KPNA4: variants seen among roughly 807,000 people sequenced by gnomAD.
KPNA4 encodes importin subunit alpha-3.
In KPNA4, 13 loss-of-function variants were observed where a neutral mutation model predicts 71.3. The observed-to-expected ratio is 0.18, with a 90% confidence interval of 0.12 to 0.29. The LOEUF is 0.29. Ranked by LOEUF, KPNA4 falls within the 10% of genes least tolerant of loss-of-function variation. KPNA4 has a pLI of 1.00. For synonymous variants in KPNA4, 189 were observed against 195.2 expected, an observed-to-expected ratio of 0.97 and a Z score of 0.26; for missense variants, 334 against 603.2, an observed-to-expected ratio of 0.55 and a Z score of 4.67.
chr3:160,552,535 AGG>A (rs1424965913), intron 1 of KPNA4, among the ~76,000 whole-genome samples: 1 of 152,210 alleles, frequency 6.6e-6, no homozygotes, highest in African/African-American at 2.4e-5. Flanking sequence ...GGTAAGTTTC[AGG>A]GAGCTTATAG....
intron 10 of KPNA4, among the ~76,000 whole-genome samples, chr3:160,523,694 C>G (rs1721403417): frequency 6.6e-6 from 1 of 151,724 alleles, no homozygotes; most frequent in Admixed American, 6.6e-5. Context: ...CTAAAAAATG[C>G]AAAAAAATTA....
intron 1 of KPNA4, among the ~76,000 whole-genome samples, chr3:160,561,559 A>T (rs1197297562): frequency 6.6e-6 from 1 of 152,052 alleles, no homozygotes; most frequent in Non-Finnish European, 1.5e-5. Context: ...ACTTAACATG[A>T]CCACATTTTA....
At chr3:160,565,149 G>T in intron 1 of KPNA4, 65 bp downstream of exon 1, 1 of 1,366,194 alleles carries the variant, frequency 7.3e-7, no homozygotes. Flanking sequence ...CCACACTCGG[G>T]GTCCCGGCGG....
Position 160,535,397 on chromosome 3 carries a change from CTAT to C in KPNA4, c.287+113_287+115del, listed in dbSNP as rs371955819. On this transcript the variant is annotated intron_variant, in intron 5 of 16. Transcript: ENST00000334256. The stretch of plus-strand genomic sequence containing the variant: ...AATTTAGTTGATCTATTACTATTTA[CTAT>C]TGTTTGTCATCAAGTTAAATTTGAT... 1,140 of 631,370 alleles carry C rather than the reference CTAT, an allele frequency of 1.8e-3. 1 individual carries two copies. The highest frequency in any genetic ancestry group is 2.7e-3 in the Non-Finnish European group (978 of 363,626). The allele number at this position is 631,370 out of a possible 1,614,324, so 39.1% of individuals were successfully genotyped here. A position where few individuals can be genotyped will look rare whatever the true frequency, so the allele number is the denominator to read the frequency against.
intron 1 of KPNA4, among the ~76,000 whole-genome samples, chr3:160,554,831 C>A (rs1223174411): frequency 6.6e-6 from 1 of 152,208 alleles, no homozygotes; most frequent in East Asian, 1.9e-4. Context: ...GTGCCCCTTC[C>A]CGCATACCAC....
chr3:160,528,205 TTGACCAG>T (rs1433357333), intron 7 of KPNA4, among the ~76,000 whole-genome samples, 166 bp from the exon 8 acceptor site: 1 of 152,214 alleles, frequency 6.6e-6, no homozygotes, highest in East Asian at 1.9e-4. Flanking sequence ...TGGAAGAATT[TTGACCAG>T]TGACTATTTA....
In KPNA4 at chr3:160,514,198, T is replaced by A. The variant is rs749225663; in HGVS notation, c.1033-17A>T. 1 of 1,548,234 alleles carries A rather than the reference T, an allele frequency of 6.5e-7. No individual in the cohort carries two copies. Among genetic ancestry groups the A allele is most frequent in the African/African-American group, 1.4e-5 (1 of 71,620 alleles). On this transcript the variant is annotated splice_polypyrimidine_tract_variant and intron_variant, in intron 12 of 16. Coordinates refer to ENST00000334256, the MANE Select transcript of KPNA4 (RefSeq NM_002268.5). ...CACTGCTTCCTGTAGAACAAGAGCA[T>A]TTGAATATTTCTCATTAAAAAATAA...
intron 14 of KPNA4, among the ~76,000 whole-genome samples, chr3:160,509,129 T>G (rs1372858857): frequency 6.6e-6 from 1 of 152,172 alleles, no homozygotes; most frequent in Non-Finnish European, 1.5e-5. Flanking sequence ...AAACTGTTTT[T>G]CCTTTGCCAG....
intron 5 of KPNA4, among the ~76,000 whole-genome samples, chr3:160,531,969 T>C (rs540150997): frequency 1.4e-4 from 22 of 152,200 alleles, no homozygotes; most frequent in Non-Finnish European, 2.8e-4. Flanking sequence ...TTTTTGTATT[T>C]TTAGTAGAGA....
At chr3:160,546,154 A>G (rs546399171) in intron 1 of KPNA4, among the ~76,000 whole-genome samples, 1 of 152,346 alleles carries the variant, frequency 6.6e-6, no homozygotes, top group South Asian at 2.1e-4. Flanking sequence ...CAAAATGAGC[A>G]TAACCTGAGG....
At position 160,536,840 on chromosome 3, in the gene KPNA4, T is replaced by C. The variant is rs1428852240; in HGVS notation, c.70A>G (p.Thr24Ala). ...NFKNKGRDLETMRRQRNEVVV... is the reference protein window; with the variant it reads ...NFKNKGRDLEAMRRQRNEVVV... ...ACTTCATTTCGTTGTCTTCTCATAG[T>C]CTACAAAAAAATTAAAGGAAAATAT... The change falls in exon 2 of 17, where the codon ACT (threonine) becomes GCT (alanine). Residue 24 changes from threonine to alanine, a missense_variant and splice_region_variant. Coordinates refer to ENST00000334256, the MANE Select transcript of KPNA4 (RefSeq NM_002268.5). 8 of 1,562,948 alleles carry C rather than the reference T, an allele frequency of 5.1e-6. No homozygotes were observed. The highest frequency in any genetic ancestry group is 6.1e-6 in the Non-Finnish European group (7 of 1,138,772).
At chr3:160,521,660 C>T (rs1168243157) in intron 11 of KPNA4, 119 bp downstream of exon 11, 3 of 911,216 alleles carry the variant, frequency 3.3e-6, no homozygotes, top group African/African-American at 1.7e-5. Flanking sequence ...CTTTCCATCA[C>T]AGATTTGTTG....
intron 1 of KPNA4, among the ~76,000 whole-genome samples, chr3:160,561,208 C>G (rs1185152382): frequency 6.6e-6 from 1 of 151,944 alleles, no homozygotes; most frequent in Admixed American, 6.6e-5. Context: ...ATTTTATGCT[C>G]TATTTGAACC....
At chr3:160,530,614 A>C (rs1490259925) in intron 7 of KPNA4, among the ~76,000 whole-genome samples, 2 of 152,244 alleles carry the variant, frequency 1.3e-5, no homozygotes, top group Non-Finnish European at 2.9e-5. Context: ...GTAATCTGCT[A>C]CTATAATTAG....
intron 15 of KPNA4, among the ~76,000 whole-genome samples, chr3:160,507,273 T>G (rs1019008550): frequency 2.0e-5 from 3 of 151,784 alleles, no homozygotes; most frequent in African/African-American, 7.3e-5. Flanking sequence ...CCAAGGGGAG[T>G]GGATCACCTG....
At chr3:160,564,586 G>A (rs565299390) in intron 1 of KPNA4, 3 of 152,198 alleles carry the variant, frequency 2.0e-5, no homozygotes, top group African/African-American at 7.2e-5. Flanking sequence ...GCACTGTTAG[G>A]ATCACCAGGA....
chr3:160,552,346 T>G (rs950387616), intron 1 of KPNA4, among the ~76,000 whole-genome samples: 17 of 152,262 alleles, frequency 1.1e-4, no homozygotes, highest in African/African-American at 3.9e-4. Context: ...CATAAATTTA[T>G]ATAATACACA....
In KPNA4 at chr3:160,553,529, AT is replaced by A. The variant is rs1456138762; in HGVS notation, c.69+11684del. 1.6e-4 allele frequency among the ~76,000 whole-genome samples: 25 copies of A among 152,270 alleles called. 1 individual carries two copies. The highest frequency in any genetic ancestry group is 1.3e-3 in the Admixed American group (20 of 15,292). ...TCCATGAACACCTACCATCAAGACA[AT>A]CCTACCTGACATGTCTTGGATAATA... On this transcript the variant is annotated intron_variant, in intron 1 of 16. Transcript: ENST00000334256.
rs1721450838 is a variant in KPNA4, at chr3:160,526,006, C to T, written c.658G>A (p.Val220Ile). The T allele has an allele frequency of 6.2e-7, 1 of 1,600,392 alleles. No individual in the cohort carries two copies. The highest frequency in any genetic ancestry group is 1.1e-5 in the South Asian group (1 of 88,332). ...CATAAGTTGACCATAACCCAAGTAA[C>T]ATTTCTTAAGAATGTTATAGGAATA... ...PSIPITFLRN[V>I]TWVMVNLCRH... is the part of the protein sequence containing the mutation. Residue 220 changes from valine (V) to isoleucine (I), a missense_variant, in exon 9 of 17, where the codon GTT becomes ATT. Physicochemically the swap from Val to Ile is conservative, Grantham distance 29. Transcript: ENST00000334256.
Sources: gnomAD v4.1 joint callset for allele counts (sites outside exome capture counted in the v4.1 genomes callset) on GRCh38, gnomAD v4.1.1 for gene constraint, MANE v1.5 for transcripts, NCBI Gene and HGNC (gene_info 2026-07-23, HGNC 2026-07-21) for gene names.